EBF2: variants seen among roughly 807,000 people sequenced by gnomAD.
The protein encoded by EBF2 is transcription factor COE2.
Under a neutral mutation model 72.8 loss-of-function variants are expected in EBF2, and 21 were observed. The ratio of observed to expected loss-of-function variants is 0.29; its 90% CI spans 0.20 to 0.42. The LOEUF (loss-of-function observed/expected upper bound fraction) is 0.42. EBF2 is among the 10% of genes least tolerant of loss of function. The probability of loss-of-function intolerance (pLI) is 1.00; values close to 1 mark genes in which losing one functional copy is unlikely to be tolerated. For synonymous variants in EBF2, 299 were observed against 274.2 expected (o/e 1.09, Z -0.89); for missense variants, 637 against 731.2 (o/e 0.87, Z 1.49).
chr8:25,963,266 C>T (rs1223947808), intron 6 of EBF2, among the ~76,000 whole-genome samples: 1 of 152,184 alleles, frequency 6.6e-6, no homozygotes, highest in Non-Finnish European at 1.5e-5. Flanking sequence ...AACTTCTAGC[C>T]TTTGGCCTCT....
At chr8:25,889,705 C>G in intron 8 of EBF2, 47 bp downstream of exon 8, 1 of 1,446,024 alleles carries the variant, frequency 6.9e-7, no homozygotes. Context: ...CAAGGAAATT[C>G]GTGGAGAATT....
At chr8:25,860,299 C>T (rs1435954253) in intron 13 of EBF2, among the ~76,000 whole-genome samples, 1 of 152,026 alleles carries the variant, frequency 6.6e-6, no homozygotes, top group Non-Finnish European at 1.5e-5. Context: ...CCAAATAAAA[C>T]CAAGCCATTC....
intron 2 of EBF2, 63 bp downstream of exon 2, chr8:26,042,032 T>C: frequency 6.4e-7 from 1 of 1,572,120 alleles, no homozygotes; most frequent in Non-Finnish European, 8.7e-7. Flanking sequence ...ACAGATGGAA[T>C]CTTTAGTGCT....
chr8:25,899,067 A>T (rs1305943282), intron 7 of EBF2, among the ~76,000 whole-genome samples: 1 of 152,132 alleles, frequency 6.6e-6, no homozygotes, highest in Non-Finnish European at 1.5e-5. Flanking sequence ...TTCCTGGGTG[A>T]GTCAGTCAAG....
chr8:26,045,090 T>A lies in EBF2; in HGVS notation c.-231A>T. The A allele has an allele frequency of 2.3e-6, 1 of 442,136 alleles. No homozygotes were observed. The highest frequency in any genetic ancestry group is 4.1e-6 in the Non-Finnish European group (1 of 242,716). The allele number at this position is 442,136 out of a possible 1,614,324, so 27.4% of individuals were successfully genotyped here. A position where few individuals can be genotyped will look rare whatever the true frequency, so the allele number is the denominator to read the frequency against. On this transcript the variant is annotated 5_prime_UTR_variant, in exon 1 of 16. Transcript: ENST00000520164. ...GGTTCTTATCCTCCGCAAGTTCAGATCTGCCGCCTCAGCCACTCCACCCTA... is the reference window on the plus strand; with the variant it reads ...GGTTCTTATCCTCCGCAAGTTCAGAACTGCCGCCTCAGCCACTCCACCCTA...
chr8:26,028,601 G>A (rs1463939576), intron 6 of EBF2, among the ~76,000 whole-genome samples: 2 of 152,140 alleles, frequency 1.3e-5, no homozygotes, highest in East Asian at 3.9e-4. Context: ...ATTATCCTGA[G>A]CCCCCCAGAG....
chr8:25,935,733 C>T (rs1803568985), intron 6 of EBF2, among the ~76,000 whole-genome samples: 1 of 152,212 alleles, frequency 6.6e-6, no homozygotes. Context: ...CTCTCCAGCC[C>T]TGCCCCAATC....
At chr8:26,028,439 T>G (rs915004529) in intron 6 of EBF2, among the ~76,000 whole-genome samples, 3 of 152,202 alleles carry the variant, frequency 2.0e-5, no homozygotes, top group Admixed American at 2.0e-4. Flanking sequence ...AGTACGCACA[T>G]GGGTAGCCTA....
chr8:25,863,135 A>C (rs1802241004), intron 10 of EBF2, among the ~76,000 whole-genome samples: 2 of 151,646 alleles, frequency 1.3e-5, no homozygotes, highest in Admixed American at 1.3e-4. Flanking sequence ...CCTTTCTCTT[A>C]TCTCTTTCTT....
At chr8:26,005,555 T>TAGAGAGAGAGAG (rs1489907148) in intron 6 of EBF2, among the ~76,000 whole-genome samples, 3,393 of 30,626 alleles carry the variant, frequency 0.11, 144 homozygotes, top group Non-Finnish European at 0.13. Context: ...TATATATATA[T>TAGAGAGAGAGAG]ATATATAGAG....
intron 6 of EBF2, among the ~76,000 whole-genome samples, chr8:25,936,493 A>C (rs1198377529): frequency 6.6e-6 from 1 of 152,180 alleles, no homozygotes; most frequent in South Asian, 2.1e-4. Flanking sequence ...AAATTGTAAT[A>C]ATCAGAGGCA....
At chr8:25,922,830 A>C (rs1298714300) in intron 6 of EBF2, among the ~76,000 whole-genome samples, 1 of 152,172 alleles carries the variant, frequency 6.6e-6, no homozygotes, top group Non-Finnish European at 1.5e-5. Flanking sequence ...TGACACGCTC[A>C]GTATCCAATA....
chr8:25,855,115 A>AAAAGT (rs1403911132), intron 14 of EBF2, among the ~76,000 whole-genome samples: 8 of 152,226 alleles, frequency 5.3e-5, no homozygotes, highest in African/African-American at 1.4e-4. Flanking sequence ...CAAAGTAAAG[A>AAAAGT]AAAGTACGTC....
intron 7 of EBF2, among the ~76,000 whole-genome samples, chr8:25,891,323 C>G (rs1802775852): frequency 6.6e-6 from 1 of 152,048 alleles, no homozygotes; most frequent in African/African-American, 2.4e-5. Context: ...GACGAACCAC[C>G]CTAGACATGG....
intron 7 of EBF2, among the ~76,000 whole-genome samples, chr8:25,891,070 T>C (rs780475008): frequency 3.3e-5 from 5 of 152,192 alleles, no homozygotes; most frequent in Non-Finnish European, 7.3e-5. Context: ...AGATAGGAAA[T>C]AGGTACCAAC....
intron 6 of EBF2, among the ~76,000 whole-genome samples, chr8:25,985,601 A>T (rs927145432): frequency 1.3e-5 from 2 of 152,204 alleles, no homozygotes; most frequent in Non-Finnish European, 2.9e-5. Context: ...GATATATAAC[A>T]AAGGTCATTC....
At chr8:26,005,435 ATT>A (rs1491106747) in intron 6 of EBF2, among the ~76,000 whole-genome samples, 2 of 33,894 alleles carry the variant, frequency 5.9e-5, no homozygotes, top group South Asian at 9.2e-4. Flanking sequence ...TATTATATAT[ATT>A]ATATTATAAA....
chr8:26,002,086 G>C (rs1804736759), intron 6 of EBF2, among the ~76,000 whole-genome samples: 1 of 152,170 alleles, frequency 6.6e-6, no homozygotes, highest in Non-Finnish European at 1.5e-5. Flanking sequence ...CAGACAAAGG[G>C]AACCGGGAGT....
chr8:25,877,497 G>A (rs988492542), intron 10 of EBF2, among the ~76,000 whole-genome samples: 1 of 152,184 alleles, frequency 6.6e-6, no homozygotes, highest in Non-Finnish European at 1.5e-5. Context: ...AGTCACATGT[G>A]CAAAGAAAAT....
Sources: gnomAD v4.1 joint callset for allele counts (sites outside exome capture counted in the v4.1 genomes callset) on GRCh38, gnomAD v4.1.1 for gene constraint, MANE v1.5 for transcripts, NCBI Gene and HGNC (gene_info 2026-07-23, HGNC 2026-07-21) for gene names.